Variants in RAB3C observed in about 807,000 individuals in gnomAD.
RAB3C encodes RAB3C, member RAS oncogene family.
RAB3C carries 17 observed loss-of-function variants against 26.4 expected under a neutral mutation model. That is an observed-to-expected ratio of 0.64 (90% CI 0.44 to 0.97). The LOEUF is 0.97. Among genes scored for constraint, RAB3C ranks in the 50% least tolerant of loss-of-function variants. The pLI, the probability that RAB3C is intolerant of heterozygous loss-of-function variation, is 0.00. For missense variants in RAB3C, 242 were observed against 281.9 expected (o/e 0.86, Z 1.01); for synonymous variants, 91 against 95.9 (o/e 0.95, Z 0.30).
rs962069697 is a variant in RAB3C, at chr5:58,855,763, T to C, written c.*4412T>C. The stretch of plus-strand genomic sequence containing the variant: ...TTACTGGGCCAAATTAAGTAAAAGA[T>C]GAAGTTTATGACCAGAATAAAAAAG... On this transcript the variant is annotated 3_prime_UTR_variant, in exon 5 of 5. Transcript: ENST00000282878. 5.3e-5 allele frequency: 8 copies of C among 152,188 alleles called. No individual in the cohort carries two copies. The highest frequency in any genetic ancestry group is 1.2e-4 in the Non-Finnish European group (8 of 68,032). The allele number at this position is 152,188 out of a possible 1,614,324, so 9.4% of individuals were successfully genotyped here.
chr5:58,656,622 G>C (rs1007561165), intron 2 of RAB3C, among the ~76,000 whole-genome samples: 5 of 152,092 alleles, frequency 3.3e-5, no homozygotes, highest in Admixed American at 3.3e-4. Flanking sequence ...TTATAAAGTA[G>C]AAATACACAG....
rs60733100 is a variant in RAB3C at position 58,673,946 on chromosome 5, A to G, written c.253-52056A>G. ...ACATAGAGAAATATATGTCATATAT[A>G]GAAATCATTTTGTAGATGACATAAA... On this transcript the variant is annotated intron_variant, in intron 2 of 4. Transcript: ENST00000282878. Among the ~76,000 whole-genome samples, 226 of 152,368 alleles carry G rather than the reference A, an allele frequency of 1.5e-3. 1 individual carries two copies. Among genetic ancestry groups the G allele is most frequent in the African/African-American group, 5.2e-3 (216 of 41,600 alleles).
chr5:58,584,807 C>T (rs962924824), intron 1 of RAB3C, among the ~76,000 whole-genome samples: 25 of 149,228 alleles, frequency 1.7e-4, no homozygotes, highest in African/African-American at 5.4e-4. Context: ...AAATAAATTA[C>T]GAAAAATTTA....
intron 3 of RAB3C, among the ~76,000 whole-genome samples, chr5:58,745,380 G>A (rs1008597373): frequency 7.5e-5 from 9 of 120,590 alleles, no homozygotes; most frequent in East Asian, 5.4e-4. Context: ...TGGGCTGAGC[G>A]AGACTCTGCT....
At chr5:58,847,626 G>A (rs530337860) in intron 4 of RAB3C, among the ~76,000 whole-genome samples, 3 of 152,224 alleles carry the variant, frequency 2.0e-5, no homozygotes, top group African/African-American at 4.8e-5. Flanking sequence ...ACAGTTGAGG[G>A]CATGAGCATC....
At chr5:58,594,362 G>C (rs966494712) in intron 1 of RAB3C, among the ~76,000 whole-genome samples, 1 of 152,142 alleles carries the variant, frequency 6.6e-6, no homozygotes, top group African/African-American at 2.4e-5. Flanking sequence ...TGAGTGGCAG[G>C]ACTGATGAAA....
intron 2 of RAB3C, among the ~76,000 whole-genome samples, chr5:58,645,210 A>G (rs1245598259): frequency 6.6e-6 from 1 of 152,198 alleles, no homozygotes; most frequent in Admixed American, 6.5e-5. Context: ...TGTAAGGTTT[A>G]TTAGGCTTCA....
chr5:58,733,739 T>C (rs1007342770), intron 3 of RAB3C, among the ~76,000 whole-genome samples: 1 of 152,216 alleles, frequency 6.6e-6, no homozygotes, highest in Non-Finnish European at 1.5e-5. Context: ...GTTTCTCAAA[T>C]GGGTTGTGAC....
Position 58,858,455 on chromosome 5 carries a change from G to T in RAB3C, c.*7104G>T, listed in dbSNP as rs972983236. 6.6e-6 allele frequency: 1 copy of T among 152,138 alleles called. No homozygotes were observed. The allele number at this position is 152,138 out of a possible 1,614,324, so 9.4% of individuals were successfully genotyped here. ...GGGAATCAAACATGGAAGAGGTATG[G>T]CTCCTGCCCCTAATGAGAACAAGGG... On this transcript the variant is annotated 3_prime_UTR_variant, in exon 5 of 5. Transcript: ENST00000282878.
intron 1 of RAB3C, among the ~76,000 whole-genome samples, chr5:58,585,551 T>C (rs554835939): frequency 3.9e-5 from 6 of 152,212 alleles, no homozygotes; most frequent in African/African-American, 1.2e-4. Flanking sequence ...AAATATTTAG[T>C]TCATTTGTTG....
chr5:58,680,716 C>T (rs1748327185), intron 2 of RAB3C, among the ~76,000 whole-genome samples: 3 of 152,132 alleles, frequency 2.0e-5, no homozygotes, highest in South Asian at 2.1e-4. Context: ...CACTTCCTTC[C>T]TCCATCAGCA....
intron 1 of RAB3C, among the ~76,000 whole-genome samples, chr5:58,589,927 G>T (rs746034614): frequency 2.6e-5 from 4 of 152,170 alleles, no homozygotes; most frequent in Non-Finnish European, 5.9e-5. Context: ...TGTCAAGGAA[G>T]CAGGGACCTC....
intron 2 of RAB3C, among the ~76,000 whole-genome samples, chr5:58,675,096 A>G (rs1213519329): frequency 6.6e-6 from 1 of 152,084 alleles, no homozygotes; most frequent in Non-Finnish European, 1.5e-5. Context: ...TTTCCTAAGT[A>G]CTTTTCTCAT....
At chr5:58,664,180 T>C (rs1422644024) in intron 2 of RAB3C, among the ~76,000 whole-genome samples, 1 of 152,200 alleles carries the variant, frequency 6.6e-6, no homozygotes, top group African/African-American at 2.4e-5. Flanking sequence ...TACGTATTTA[T>C]AACAGCATTA....
intron 2 of RAB3C, among the ~76,000 whole-genome samples, chr5:58,682,695 A>AG (rs1748371699): frequency 6.8e-6 from 1 of 148,114 alleles, no homozygotes; most frequent in African/African-American, 2.6e-5. Flanking sequence ...AAAAGAAAAA[A>AG]GAAAAAAAAA....
intron 2 of RAB3C, among the ~76,000 whole-genome samples, chr5:58,709,352 C>A (rs1749011894): frequency 6.6e-6 from 1 of 152,192 alleles, no homozygotes; most frequent in Non-Finnish European, 1.5e-5. Context: ...CTGTACACCA[C>A]CCAGGCCCTT....
rs960842056 is a variant in RAB3C at position 58,822,912 on chromosome 5, T to C, written c.372-2126T>C. ...GGAGATTAATGTGATGTGGAAAGCATTGATGGTCAGCCTGGTGCCTTCACC... is the reference window on the plus strand; with the variant it reads ...GGAGATTAATGTGATGTGGAAAGCACTGATGGTCAGCCTGGTGCCTTCACC... On this transcript the variant is annotated intron_variant, in intron 3 of 4. Transcript: ENST00000282878. 1.7e-5 allele frequency: 11 copies of C among 640,444 alleles called. No homozygotes were observed. The Admixed American group carries it at 1.8e-4, about 11-fold the overall frequency. 39.7% of individuals were successfully genotyped at this position (640,444 alleles called of 1,614,324 possible). A position where few individuals can be genotyped will look rare whatever the true frequency, so the allele number is the denominator to read the frequency against.
chr5:58,795,885 T>TG (rs1161317601), intron 3 of RAB3C, among the ~76,000 whole-genome samples: 5 of 151,924 alleles, frequency 3.3e-5, no homozygotes, highest in Middle Eastern at 3.4e-3. Flanking sequence ...GCTGTGTAGA[T>TG]GGGGGGATCT....
In RAB3C at chr5:58,851,669, A is replaced by G. The variant is rs746089049; in HGVS notation, c.*318A>G. 1 of 239,350 alleles carries G rather than the reference A, an allele frequency of 4.2e-6. No individual in the cohort carries two copies. The highest frequency in any genetic ancestry group is 8.0e-6 in the Non-Finnish European group (1 of 124,400). The allele number at this position is 239,350 out of a possible 1,614,324, so 14.8% of individuals were successfully genotyped here. On this transcript the variant is annotated 3_prime_UTR_variant, in exon 5 of 5. Coordinates refer to ENST00000282878, the MANE Select transcript of RAB3C (RefSeq NM_138453.4). ...TGGGACATCAGACTATAATCTCACT[A>G]CAACTGGCTTTTGTCCCATTGATTC...
Sources: gnomAD v4.1 joint callset for allele counts (sites outside exome capture counted in the v4.1 genomes callset) on GRCh38, gnomAD v4.1.1 for gene constraint, MANE v1.5 for transcripts, NCBI Gene and HGNC (gene_info 2026-07-23, HGNC 2026-07-21) for gene names.